DPH6: variants seen among roughly 807,000 people sequenced by gnomAD.
DPH6 encodes the protein diphthamine biosynthesis 6, also known as diphthine--ammonia ligase.
Under a neutral mutation model 38.2 loss-of-function variants are expected in DPH6, and 33 were observed. The ratio of observed to expected loss-of-function variants is 0.86; its 90% CI spans 0.65 to 1.15. The LOEUF is 1.15. DPH6 is among the 50% of genes most tolerant of loss of function. The pLI is 0.00. For synonymous variants in DPH6, 108 were observed against 103.0 expected (o/e 1.05, Z -0.30); for missense variants, 325 against 320.0 (o/e 1.02, Z -0.12).
exon 4 of DPH6, chr15:35,217,540 T>G (rs2051417327): frequency 6.6e-6 from 1 of 151,982 alleles, no homozygotes; most frequent in Non-Finnish European, 1.5e-5. Flanking sequence ...TTAGTAGAGA[T>G]GGGGTTTCAC....
intron 3 of DPH6, chr15:35,521,547 AAG>A (rs1375456130): frequency 1.6e-6 from 2 of 1,224,140 alleles, no homozygotes; most frequent in Non-Finnish European, 2.0e-6. Context: ...GAAGAAATCT[AAG>A]AGAAAGTGTC....
the DPH6 span, among the ~76,000 whole-genome samples, chr15:35,150,456 T>C: frequency 6.6e-6 from 1 of 152,154 alleles, no homozygotes; most frequent in South Asian, 2.1e-4. Context: ...CTGCCAATAG[T>C]GATGTACAGA....
intron 3 of DPH6, among the ~76,000 whole-genome samples, chr15:35,301,438 G>A (rs1430913105): frequency 6.6e-6 from 1 of 152,154 alleles, no homozygotes. Flanking sequence ...TAGGAATTCT[G>A]CATCTTGCTC....
At chr15:35,308,359 T>C (rs897752850) in intron 3 of DPH6, among the ~76,000 whole-genome samples, 1 of 152,212 alleles carries the variant, frequency 6.6e-6, no homozygotes, top group African/African-American at 2.4e-5. Flanking sequence ...AATGTAAATG[T>C]ATAGCAAAAT....
At chr15:35,233,510 A>C (rs895574284) in intron 3 of DPH6, among the ~76,000 whole-genome samples, 6 of 152,362 alleles carry the variant, frequency 3.9e-5, no homozygotes, top group African/African-American at 1.4e-4. Flanking sequence ...AATCAATAAA[A>C]GAAAATTAGT....
At chr15:35,387,991 G>C (rs938367171) in intron 6 of DPH6, among the ~76,000 whole-genome samples, 1 of 152,020 alleles carries the variant, frequency 6.6e-6, no homozygotes, top group Admixed American at 6.5e-5. Context: ...GTCATAGATA[G>C]CTCTTATTAT....
chr15:35,436,507 A>AC (rs1555401721), intron 5 of DPH6, among the ~76,000 whole-genome samples: 3 of 10,540 alleles, frequency 2.8e-4, no homozygotes, highest in Non-Finnish European at 5.4e-4. Flanking sequence ...AACAAAACAA[A>AC]ACAAAACAAA....
In DPH6 at chr15:35,282,903, T is replaced by A. The variant is rs1478753420; in HGVS notation, n.201-62321A>T. ...TCGGGGGGTTCCACCATATAGATGT[T>A]CCTGTTGAAGAACATCAACAATACT... On this transcript the variant is annotated intron_variant and non_coding_transcript_variant, in intron 3 of 3. Coordinates refer to the DPH6 transcript ENST00000560386. 9 of 342,478 alleles carry A rather than the reference T, an allele frequency of 2.6e-5. No homozygotes were observed. The Admixed American group carries it at 2.9e-4, about 11-fold the overall frequency. The allele number at this position is 342,478 out of a possible 1,614,324, so 21.2% of individuals were successfully genotyped here. A position where few individuals can be genotyped will look rare whatever the true frequency, so the allele number is the denominator to read the frequency against.
intron 3 of DPH6, chr15:35,299,497 C>T (rs7179767): frequency 0.27 from 195,609 of 724,526 alleles, 27,389 homozygotes; most frequent in South Asian, 0.38. Flanking sequence ...GCCGCGGTGG[C>T]GGCAGCGCGG....
At chr15:35,314,403 G>A (rs1253999672) in intron 3 of DPH6, among the ~76,000 whole-genome samples, 1 of 152,134 alleles carries the variant, frequency 6.6e-6, no homozygotes, top group African/African-American at 2.4e-5. Context: ...TGGAAATGAT[G>A]TTAAACAAAA....
At position 35,242,740 on chromosome 15, in the gene DPH6, A is replaced by G. The variant is rs1342030510; in HGVS notation, n.201-22158T>C. 4.9e-5 allele frequency among the ~76,000 whole-genome samples: 7 copies of G among 142,796 alleles called. 1 individual carries two copies. The highest frequency in any genetic ancestry group is 1.1e-4 in the Non-Finnish European group (7 of 65,262). The allele number at this position is 142,796 out of a possible 152,430, so 93.7% of individuals were successfully genotyped here. ...CTGTCCTCAGAATGCTACAAGGTAC[A>G]GCCCATTTGAGCTCCTGTATAGACG... On this transcript the variant is annotated intron_variant and non_coding_transcript_variant, in intron 3 of 3. Coordinates refer to the DPH6 transcript ENST00000560386.
chr15:35,434,512 A>C (rs2053671821), intron 5 of DPH6, among the ~76,000 whole-genome samples: 1 of 152,194 alleles, frequency 6.6e-6, no homozygotes, highest in South Asian at 2.1e-4. Context: ...TATCAGTAAA[A>C]ACAGTTAAAC....
chr15:35,235,949 C>T (rs878872436), intron 3 of DPH6, among the ~76,000 whole-genome samples: 1 of 152,080 alleles, frequency 6.6e-6, no homozygotes, highest in Admixed American at 6.5e-5. Flanking sequence ...CAAAAGAGAA[C>T]ATGGACTAAT....
intron 3 of DPH6, among the ~76,000 whole-genome samples, chr15:35,504,741 ACT>A (rs1244908543): frequency 1.3e-5 from 2 of 152,088 alleles, no homozygotes; most frequent in African/African-American, 4.8e-5. Context: ...TTAATTAATC[ACT>A]GTTTGCCTAT....
intron 3 of DPH6, among the ~76,000 whole-genome samples, chr15:35,301,597 G>T (rs1055083151): frequency 4.6e-5 from 7 of 152,058 alleles, no homozygotes; most frequent in Non-Finnish European, 8.8e-5. Flanking sequence ...TTATATTAGG[G>T]CTTAAGAAAT....
intron 6 of DPH6, among the ~76,000 whole-genome samples, chr15:35,395,894 G>C (rs2053125150): frequency 6.6e-6 from 1 of 152,154 alleles, no homozygotes; most frequent in Non-Finnish European, 1.5e-5. Context: ...GCATAGAACT[G>C]GGTATAGAAG....
chr15:35,387,495 G>T (rs2140950816), intron 6 of DPH6, among the ~76,000 whole-genome samples: 1 of 152,262 alleles, frequency 6.6e-6, no homozygotes, highest in Admixed American at 6.5e-5. Flanking sequence ...TCTTCCATTT[G>T]TTTGTATCCT....
chr15:35,212,909 GAGA>G (rs754927706), downstream of DPH6, among the ~76,000 whole-genome samples: 5 of 152,192 alleles, frequency 3.3e-5, no homozygotes, highest in South Asian at 2.1e-4. Context: ...CCAAAGAAAA[GAGA>G]AGAAGATTAT....
chr15:35,449,839 T>C (rs1346839242), intron 5 of DPH6, among the ~76,000 whole-genome samples: 3 of 152,134 alleles, frequency 2.0e-5, no homozygotes, highest in Non-Finnish European at 2.9e-5. Context: ...ATGGGGTCTG[T>C]ACTATTTCTC....
Sources: allele counts gnomAD v4.1 joint callset (sites outside exome capture counted in the v4.1 genomes callset), GRCh38; gene constraint gnomAD v4.1.1; transcripts MANE v1.5; gene names NCBI Gene and HGNC (gene_info 2026-07-23, HGNC 2026-07-21).